The following MTHFD2L variants were observed in gnomAD, a reference collection of about 807,000 sequenced individuals.
MTHFD2L encodes bifunctional methylenetetrahydrofolate dehydrogenase/cyclohydrolase 2, mitochondrial.
MTHFD2L carries 29 observed loss-of-function variants against 34.9 expected under a neutral mutation model. The observed-to-expected ratio is 0.83, with a 90% CI of 0.62 to 1.13. MTHFD2L has a LOEUF of 1.13. Among genes scored for constraint, MTHFD2L ranks in the 50% most tolerant of loss-of-function variants. The pLI, the probability that MTHFD2L is intolerant of heterozygous loss-of-function variation, is 0.00. For missense variants in MTHFD2L, 481 were observed against 446.5 expected, an observed-to-expected ratio of 1.08 and a Z score of -0.70; for synonymous variants, 167 against 155.7, an observed-to-expected ratio of 1.07 and a Z score of -0.54.
chr4:74,300,295 A>G (rs1208020148), intron 7 of MTHFD2L, among the ~76,000 whole-genome samples: 2 of 152,062 alleles, frequency 1.3e-5, no homozygotes, highest in East Asian at 1.9e-4. Context: ...CCTTTCTTCA[A>G]GTAAAACAAT....
chr4:74,158,063 G>A (rs1317659302), upstream of MTHFD2L: 3 of 1,529,476 alleles, frequency 2.0e-6, no homozygotes, highest in East Asian at 2.5e-5. Context: ...GGGTGAGGGC[G>A]GAGCCAGGCC....
intron 6 of MTHFD2L, among the ~76,000 whole-genome samples, chr4:74,251,683 A>T (rs1743329431): frequency 6.6e-6 from 1 of 151,510 alleles, no homozygotes. Context: ...CCCTCCCTAA[A>T]CCCCATTGTG....
chr4:74,268,433 C>G (rs978531824), intron 6 of MTHFD2L, among the ~76,000 whole-genome samples: 1 of 151,848 alleles, frequency 6.6e-6, no homozygotes, highest in African/African-American at 2.4e-5. Context: ...TTGTTCCCAG[C>G]CTTACCTCTG....
chr4:74,277,256 G>A (rs1403129426), intron 6 of MTHFD2L, among the ~76,000 whole-genome samples: 1 of 151,762 alleles, frequency 6.6e-6, no homozygotes, highest in Non-Finnish European at 1.5e-5. Flanking sequence ...AGGGCGAATG[G>A]AGTCTTATCT....
At chr4:74,117,456 A>G (rs1490628205) in intron 2 of MTHFD2L, among the ~76,000 whole-genome samples, 1 of 152,154 alleles carries the variant, frequency 6.6e-6, no homozygotes, top group East Asian at 1.9e-4. Flanking sequence ...AGGCCTGGAG[A>G]ACAAACCTTC....
rs985024156 is a variant in MTHFD2L, at chr4:74,292,462, C to T, written c.932-9235C>T. On this transcript the variant is annotated intron_variant, in intron 7 of 7. Transcript: ENST00000325278. ...AGATTTTATCTGCTCCTATCTCAGA[C>T]TACAGAGATTAAGGCCCTGCCAAGA... 2.1e-4 allele frequency among the ~76,000 whole-genome samples: 32 copies of T among 151,942 alleles called. 1 individual carries two copies. The highest frequency in any genetic ancestry group is 7.5e-4 in the African/African-American group (31 of 41,386).
chr4:74,198,061 A>C (rs116185206), intron 3 of MTHFD2L, among the ~76,000 whole-genome samples: 292 of 152,228 alleles, frequency 1.9e-3, no homozygotes, highest in Non-Finnish European at 3.3e-3. Flanking sequence ...ATGTCCATTC[A>C]TCTGTCTTTT....
chr4:74,117,585 AT>A (rs1175088422), intron 2 of MTHFD2L, among the ~76,000 whole-genome samples: 10 of 152,202 alleles, frequency 6.6e-5, no homozygotes, highest in African/African-American at 2.4e-4. Flanking sequence ...CAGGATCTAT[AT>A]ATAGATCAAT....
intron 1 of MTHFD2L, among the ~76,000 whole-genome samples, chr4:74,148,314 G>GC (rs1560413451): frequency 1.1e-4 from 1 of 9,016 alleles, no homozygotes; most frequent in Non-Finnish European, 2.8e-4. Flanking sequence ...GCTATTTGTG[G>GC]TCCCCCCCTT....
chr4:74,287,812 A>T (rs564385925), intron 7 of MTHFD2L, among the ~76,000 whole-genome samples: 1 of 152,364 alleles, frequency 6.6e-6, no homozygotes, highest in African/African-American at 2.4e-5. Flanking sequence ...CAATGGAGTT[A>T]GGCAGCTATG....
chr4:74,279,392 T>C (rs1747132844), intron 6 of MTHFD2L, among the ~76,000 whole-genome samples: 2 of 152,022 alleles, frequency 1.3e-5, no homozygotes, highest in South Asian at 2.1e-4. Context: ...ATAACAGTGA[T>C]TTTTATTTTC....
intron 5 of MTHFD2L, among the ~76,000 whole-genome samples, chr4:74,205,810 GCTATAGT>G (rs1735196160): frequency 1.3e-5 from 2 of 152,062 alleles, no homozygotes; most frequent in African/African-American, 4.8e-5. Flanking sequence ...TCCTCCCAGA[GCTATAGT>G]CTTGGTGGTG....
intron 2 of MTHFD2L, 72 bp from the exon 3 acceptor site, chr4:74,175,209 T>A (rs1214941255): frequency 6.6e-7 from 1 of 1,512,198 alleles, no homozygotes. Flanking sequence ...AGTCCCACAC[T>A]GTGTCAGACA....
intron 4 of MTHFD2L, 134 bp downstream of exon 4, chr4:74,200,080 G>A: frequency 1.4e-6 from 1 of 703,934 alleles, no homozygotes. Context: ...AGTGTACAGA[G>A]AGATATAAAA....
intron 5 of MTHFD2L, among the ~76,000 whole-genome samples, chr4:74,215,963 A>G (rs1737143685): frequency 6.7e-6 from 1 of 150,334 alleles, no homozygotes; most frequent in Admixed American, 6.6e-5. Flanking sequence ...AGAGCTTGTT[A>G]GCAGGAAAAA....
At position 74,201,281 on chromosome 4, in the gene MTHFD2L, A is replaced by G; in HGVS notation, c.623A>G (p.Lys208Arg). Residue 208 changes from lysine (K) to arginine (R), a missense_variant, in exon 5 of 8, where the codon AAA becomes AGA. By Grantham distance (26) the Lys-to-Arg change is conservative. Coordinates refer to ENST00000325278, the MANE Select transcript of MTHFD2L (RefSeq NM_001144978.3). The stretch of plus-strand genomic sequence containing the variant: ...TTTTAAGGAATTCAAACATTTGGAA[A>G]AAATGTGGTTGTGGCTGGAAGATCC... Reference protein sequence around the residue: ...IKRTGIQTFGKNVVVAGRSKN... With the variant: ...IKRTGIQTFGRNVVVAGRSKN... The G allele has an allele frequency of 2.5e-6, 4 of 1,613,620 alleles. No homozygotes were observed. Among genetic ancestry groups the G allele is most frequent in the Non-Finnish European group, 3.4e-6 (4 of 1,179,698 alleles).
chr4:74,222,820 G>C (rs942631126), intron 5 of MTHFD2L, among the ~76,000 whole-genome samples: 1 of 151,880 alleles, frequency 6.6e-6, no homozygotes, highest in African/African-American at 2.4e-5. Flanking sequence ...GATTTGACTG[G>C]CTATAAAATC....
chr4:74,194,800 C>G (rs893677117), intron 3 of MTHFD2L: 15 of 152,192 alleles, frequency 9.9e-5, no homozygotes, highest in African/African-American at 3.6e-4. Flanking sequence ...TGAGCTGTAA[C>G]CAATCCAGTT....
chr4:74,290,737 C>G (rs1283285670), intron 7 of MTHFD2L, among the ~76,000 whole-genome samples: 3 of 151,958 alleles, frequency 2.0e-5, no homozygotes, highest in African/African-American at 4.8e-5. Context: ...CAACTTCACG[C>G]TTCAGTTACC....
Sources: gnomAD v4.1 joint callset for allele counts (sites outside exome capture counted in the v4.1 genomes callset) on GRCh38, gnomAD v4.1.1 for gene constraint, MANE v1.5 for transcripts, NCBI Gene and HGNC (gene_info 2026-07-23, HGNC 2026-07-21) for gene names.